TTN: variants seen among roughly 807,000 people sequenced by gnomAD.
The protein encoded by TTN is connectin.
In TTN, 1,525 loss-of-function variants were observed where a neutral mutation model predicts 3,223.0. The observed-to-expected ratio is 0.47, with a 90% CI of 0.45 to 0.49. The LOEUF is 0.49. Ranked by LOEUF, TTN falls within the 20% of genes least tolerant of loss-of-function variation. TTN has a pLI of 0.00. For missense variants in TTN, 40,786 were observed against 43,424.0 expected, an observed-to-expected ratio of 0.94 and a Z score of 5.40; for synonymous variants, 14,094 against 15,161.0, an observed-to-expected ratio of 0.93 and a Z score of 5.17.
In TTN at chr2:178,733,503, T is replaced by G; in HGVS notation, c.15790A>C (p.Ile5264Leu). 6.2e-7 allele frequency: 1 copy of G among 1,610,450 alleles called. No homozygotes were observed. The change falls in exon 54 of 363, where the codon ATT (isoleucine) becomes CTT (leucine). Residue 5264 changes from isoleucine to leucine, a missense_variant. Ile to Leu is a conservative substitution (Grantham distance 5, BLOSUM62 2). Transcript: ENST00000589042. The stretch of plus-strand genomic sequence containing the variant: ...ACCTGGATCAGTTCTGCTCGCTCAA[T>G]GATTTTGGCAGGTTCTACAATGGTA... ...ELIVKEPAKI[I>L]ERAELIQVTA...
In TTN at chr2:178,739,331, C is replaced by G. The variant is rs1408608016; in HGVS notation, c.13902G>C (p.Glu4634Asp). ...HLTTSITNAK[E>D]VNWYFENKLV... The stretch of plus-strand genomic sequence containing the variant: ...GTTTATTCTCAAAATACCAATTCAC[C>G]TCTTTAGCATTTGTTATGGATGTTG... Residue 4634 changes from glutamate to aspartate, a missense_variant, in exon 48 of 363, where the codon GAG becomes GAC. Physicochemically the swap from Glu to Asp is conservative, Grantham distance 45. Coordinates refer to ENST00000589042, the MANE Select transcript of TTN (RefSeq NM_001267550.2). The G allele has an allele frequency of 3.7e-6, 6 of 1,613,704 alleles. No individual in the cohort carries two copies. The highest frequency in any genetic ancestry group is 5.1e-6 in the Non-Finnish European group (6 of 1,179,770).
intron 256 of TTN, 33 bp downstream of exon 256, chr2:178,616,696 A>G: frequency 1.9e-6 from 3 of 1,611,920 alleles, no homozygotes; most frequent in Non-Finnish European, 2.5e-6. Flanking sequence ...ATACTGCCAA[A>G]TCACCTTAGA....
rs1030376391 is a variant in TTN, at chr2:178,649,270, T to A, written c.40035A>T (p.Lys13345Asn). The change falls in exon 213 of 363, where the codon AAA becomes AAT. Residue 13345 changes from lysine (K) to asparagine (N), a missense_variant. Transcript: ENST00000589042. ...TACCTTTTTCTGGAAGAACTTCTGG[T>A]TTTTTGGTAACAGGCACAGGTTCTT... ...VKKEPVPVTK[K>N]PEVLPEKVPK... The A allele has an allele frequency of 6.7e-7, 1 of 1,499,874 alleles. No homozygotes were observed. Among genetic ancestry groups the A allele is most frequent in the Non-Finnish European group, 8.8e-7 (1 of 1,130,108 alleles). 92.9% of individuals were successfully genotyped at this position (1,499,874 alleles called of 1,614,324 possible).
Position 178,732,852 on chromosome 2 carries a change from C to T in TTN, c.16324G>A (p.Gly5442Arg). The change falls in exon 55 of 363, where the codon GGA (glycine) becomes AGA (arginine). Residue 5442 changes from glycine (G) to arginine (R), a missense_variant. Gly to Arg is a moderately radical substitution (Grantham distance 125, BLOSUM62 -2). Coordinates refer to ENST00000589042, the MANE Select transcript of TTN (RefSeq NM_001267550.2). ...AGCCAACCTTGCACAATCAGGGCTC[C>T]ACTGCTGTCTTTGCTTCCCACGGAA... ...TNSVGSKDSS[G>R]ALIVQEPPSF... is the part of the protein sequence containing the mutation. The T allele has an allele frequency of 6.2e-7, 1 of 1,612,368 alleles. No individual in the cohort carries two copies.
Position 178,589,324 on chromosome 2 carries a change from C to T in TTN, c.62401G>A (p.Val20801Ile). 6.2e-7 allele frequency: 1 copy of T among 1,612,824 alleles called. No individual in the cohort carries two copies. The highest frequency in any genetic ancestry group is 2.2e-5 in the East Asian group (1 of 44,764). Reference sequence around the variant, plus strand: ...GCGTCTTTGTCCTTGGTCCATGCAACTTCTGGGAATGGTTTGCCTCTAACC... The same window carrying T: ...GCGTCTTTGTCCTTGGTCCATGCAATTTCTGGGAATGGTTTGCCTCTAACC... Reference protein sequence around the residue: ...AGVRGKPFPEVAWTKDKDATD... With the variant: ...AGVRGKPFPEIAWTKDKDATD... The change falls in exon 304 of 363, where the codon GTT (valine) becomes ATT (isoleucine). Residue 20801 changes from valine to isoleucine, a missense_variant. Physicochemically the swap from Val to Ile is conservative, Grantham distance 29. Coordinates refer to ENST00000589042, the MANE Select transcript of TTN (RefSeq NM_001267550.2).
rs1361413973 is a variant in TTN at position 178,802,392 on chromosome 2, C to T, written c.92-51G>A. 7.6e-6 allele frequency: 12 copies of T among 1,571,050 alleles called. No individual in the cohort carries two copies. In the African/African-American group the frequency reaches 1.5e-4, roughly 19 times the overall value. On this transcript the variant is annotated intron_variant, in intron 2 of 362. Coordinates refer to ENST00000589042, the MANE Select transcript of TTN (RefSeq NM_001267550.2). ...TATGTTTGAATGGGCACCACAAAGT[C>T]CTCTGCTCTGTCCCATCATGTTCAC...
Position 178,726,168 on chromosome 2 carries a change from A to G in TTN, c.20276-122T>C. On this transcript the variant is annotated intron_variant, in intron 69 of 362. Coordinates refer to ENST00000589042, the MANE Select transcript of TTN (RefSeq NM_001267550.2). Reference sequence around the variant, plus strand: ...TTCTAATGGGTAAGTAGAGTCCAGCACTAACACTCTCATGGGATAACAGCC... The same window carrying G: ...TTCTAATGGGTAAGTAGAGTCCAGCGCTAACACTCTCATGGGATAACAGCC... The G allele has an allele frequency of 2.6e-6, 3 of 1,162,908 alleles. No homozygotes were observed. In the South Asian group the frequency reaches 6.2e-5, roughly 24 times the overall value. The allele number at this position is 1,162,908 out of a possible 1,614,324, so 72.0% of individuals were successfully genotyped here.
At position 178,650,226 on chromosome 2, in the gene TTN, G is replaced by A. The variant is rs2062712056; in HGVS notation, c.39755C>T (p.Pro13252Leu). The A allele has an allele frequency of 1.3e-6, 2 of 1,556,642 alleles. No individual in the cohort carries two copies. The highest frequency in any genetic ancestry group is 3.5e-5 in the Admixed American group (2 of 56,364). ...EEIAPEEEIAPEEEKPVPVAE... is the reference protein window; with the variant it reads ...EEIAPEEEIALEEEKPVPVAE... ...AACAGGAACTGGCTTTTCCTCTTCA[G>A]GAGCAATTTCCTCTTCAGGAGCAAT... Residue 13252 changes from proline (P) to leucine (L), a missense_variant, in exon 210 of 363, where the codon CCT becomes CTT. By Grantham distance (98) the Pro-to-Leu change is moderately conservative. Transcript: ENST00000589042.
At position 178,586,561 on chromosome 2, in the gene TTN, A is replaced by G. The variant is rs2049030119; in HGVS notation, c.64340T>C (p.Val21447Ala). 3.1e-6 allele frequency: 5 copies of G among 1,613,092 alleles called. No individual in the cohort carries two copies. Among genetic ancestry groups the G allele is most frequent in the Non-Finnish European group, 4.2e-6 (5 of 1,179,404 alleles). ...AGCTTCTCTTGGCAAACTGACTCCA[A>G]CAGCATTTCTGGCCGCTACTCTAAA... The part of the protein sequence containing the change: ...YKFRVAARNA[V>A]GVSLPREAEG... The change falls in exon 308 of 363, where the codon GTT becomes GCT. Residue 21447 changes from valine (V) to alanine (A), a missense_variant. Physicochemically the swap from Val to Ala is moderately conservative, Grantham distance 64. Coordinates refer to ENST00000589042, the MANE Select transcript of TTN (RefSeq NM_001267550.2).
Position 178,736,076 on chromosome 2 carries a change from T to C in TTN, c.14372-2A>G, listed in dbSNP as rs747942388. ...AGAGAAAGGTTGGTGGATATGCCTC[T>C]GCAAAAGAAATTTTTCCAGCATTAC... On this transcript the variant is annotated splice_acceptor_variant, in intron 49 of 362. Transcript: ENST00000589042. LOFTEE classifies it high-confidence loss of function. 1.9e-6 allele frequency: 3 copies of C among 1,547,736 alleles called. No homozygotes were observed. The East Asian group carries it at 6.8e-5, about 35-fold the overall frequency.
chr2:178,692,078 G>T lies in TTN; in HGVS notation c.31700C>A (p.Pro10567His), dbSNP rs147670220. 1.4e-5 allele frequency: 23 copies of T among 1,612,886 alleles called. No homozygotes were observed. The African/African-American group carries it at 2.8e-4, about 20-fold the overall frequency. ...AACTGGCTTTTTCTCCTCTGGCACG[G>T]GTTTCTTGGGAACCTCAGGAACTTT... ...APKVPEVPKK[P>H]VPEEKKPVPV... Residue 10567 changes from proline to histidine, a missense_variant, in exon 121 of 363, where the codon CCC (proline) becomes CAC (histidine). Transcript: ENST00000589042.
chr2:178,743,482 C>T (rs530015402), intron 47 of TTN, among the ~76,000 whole-genome samples: 1 of 152,012 alleles, frequency 6.6e-6, no homozygotes, highest in Admixed American at 6.6e-5. Context: ...TACTCAAGCT[C>T]ACCATACTTG....
rs377384818 is a variant in TTN at position 178,767,976 on chromosome 2, T to C, written c.9305+38A>G. 9.3e-6 allele frequency: 15 copies of C among 1,614,090 alleles called. No individual in the cohort carries two copies. In the Admixed American group the frequency reaches 2.2e-4, roughly 23 times the overall value. The stretch of plus-strand genomic sequence containing the variant: ...TACCGTATGGTGATTCAGAGGAAAC[T>C]GGGAATTACTGGAATGTAGCAAGAC... On this transcript the variant is annotated intron_variant, in intron 39 of 362. Transcript: ENST00000589042.
In TTN at chr2:178,593,376, G is replaced by T; in HGVS notation, c.58832C>A (p.Thr19611Lys). Reference protein sequence around the residue: ...NKPHDGGKPITNYILEKRETM... With the variant: ...NKPHDGGKPIKNYILEKRETM... ...TTCTCTCTTTTCCAGGATGTAGTTT[G>T]TGATGGGTTTTCCTCCATCATGTGG... Residue 19611 changes from threonine (T) to lysine (K), a missense_variant, in exon 299 of 363, where the codon ACA (threonine) becomes AAA (lysine). Thr to Lys is a moderately conservative substitution (Grantham distance 78). Transcript: ENST00000589042. 6.2e-7 allele frequency: 1 copy of T among 1,613,350 alleles called. No homozygotes were observed. Among genetic ancestry groups the T allele is most frequent in the Non-Finnish European group, 8.5e-7 (1 of 1,179,566 alleles).
rs1399910712 is a variant in TTN, at chr2:178,559,819, T to A, written c.86313A>T (p.Ser28771=). ...CTCGGAAAGGCACAGTCATGGTAAA[T>A]GAGGCACCAGCCTTGACAATCAAGG... ...RKTLIVKAGA[S]FTMTVPFRGR... The change falls in exon 326 of 363, where the codon TCA becomes TCT. Residue 28771 remains serine (S), a synonymous_variant. Coordinates refer to ENST00000589042, the MANE Select transcript of TTN (RefSeq NM_001267550.2). 6.2e-7 allele frequency: 1 copy of A among 1,610,518 alleles called. No individual in the cohort carries two copies. The highest frequency in any genetic ancestry group is 2.2e-5 in the East Asian group (1 of 44,856).
intron 1 of TTN, among the ~76,000 whole-genome samples, chr2:178,805,633 G>A (rs10497525): frequency 0.05 from 7,639 of 152,150 alleles, 403 homozygotes; most frequent in African/African-American, 0.13. Flanking sequence ...TCTTCATACT[G>A]TAACTGTGCA....
chr2:178,538,009 A>T (rs1341426681), intron 354 of TTN, 92 bp from the exon 355 acceptor site: 44 of 1,119,762 alleles, frequency 3.9e-5, no homozygotes, highest in Non-Finnish European at 5.5e-5. Flanking sequence ...TACCTTATTT[A>T]CTGACACATA....
chr2:178,588,551 T>G lies in TTN; in HGVS notation c.63174A>C (p.Ala21058=). The change falls in exon 304 of 363, where the codon GCA becomes GCC. Residue 21058 remains alanine, a synonymous_variant. Coordinates refer to ENST00000589042, the MANE Select transcript of TTN (RefSeq NM_001267550.2). ...AGGACATCCTACCTATGGGGTCTTT[T>G]GCCACCACCGGTCTTGAAGGCAAGC... The part of the protein sequence containing the change: ...EPSLPSRPVV[A]KDPIEPPGPP... 1 of 1,526,676 alleles carries G rather than the reference T, an allele frequency of 6.6e-7. No individual in the cohort carries two copies. Among genetic ancestry groups the G allele is most frequent in the South Asian group, 1.4e-5 (1 of 74,050 alleles). 94.6% of individuals were successfully genotyped at this position (1,526,676 alleles called of 1,614,324 possible). A position where few individuals can be genotyped will look rare whatever the true frequency, so the allele number is the denominator to read the frequency against.
rs767552857 is a variant in TTN, at chr2:178,555,147, G to A, written c.88312C>T (p.Pro29438Ser). 3 of 1,600,896 alleles carry A rather than the reference G, an allele frequency of 1.9e-6. No homozygotes were observed. The highest frequency in any genetic ancestry group is 1.1e-5 in the South Asian group (1 of 86,968). ...PITCIDSYGG[P>S]VIDLPLEYTE... ...TATTCTAGAGGCAAATCAATTACAG[G>A]ACCACCTGCAAGAAAAACAGATGAG... The change falls in exon 331 of 363, where the codon CCT (proline) becomes TCT (serine). Residue 29438 changes from proline to serine, a missense_variant. Transcript: ENST00000589042.
Sources: gnomAD v4.1 joint callset for allele counts (sites outside exome capture counted in the v4.1 genomes callset) on GRCh38, gnomAD v4.1.1 for gene constraint, MANE v1.5 for transcripts, NCBI Gene and HGNC (gene_info 2026-07-23, HGNC 2026-07-21) for gene names.